WDR19: variants seen among roughly 807,000 people sequenced by gnomAD.
WDR19 encodes WD repeat domain 19, also known as WD repeat-containing protein 19.
Under a neutral mutation model 180.0 loss-of-function variants are expected in WDR19, and 121 were observed. The observed-to-expected ratio is 0.67, with a 90% CI of 0.58 to 0.78. The LOEUF (loss-of-function observed/expected upper bound fraction) is 0.78, where lower values mean the gene tolerates loss of function less well. Among genes scored for constraint, WDR19 ranks in the 30% least tolerant of loss-of-function variants. WDR19 has a pLI of 0.00. For synonymous variants in WDR19, 497 were observed against 540.7 expected (o/e 0.92, Z 1.12); for missense variants, 1,450 against 1,640.7 (o/e 0.88, Z 2.01).
chr4:39,214,224 A>G (rs1330907428), intron 9 of WDR19, among the ~76,000 whole-genome samples: 1 of 152,182 alleles, frequency 6.6e-6, no homozygotes, highest in Non-Finnish European at 1.5e-5. Context: ...AAGGGAACAC[A>G]TTGTAAAGAG....
intron 28 of WDR19, among the ~76,000 whole-genome samples, chr4:39,262,947 A>G (rs1365064028): frequency 2.0e-5 from 3 of 152,004 alleles, no homozygotes; most frequent in Non-Finnish European, 2.9e-5. Context: ...AAAAAAAATC[A>G]CTTTTACTCG....
rs748465735 is a variant in WDR19, at chr4:39,272,987, T to A, written c.3491T>A (p.Val1164Asp). 16 of 1,598,348 alleles carry A rather than the reference T, an allele frequency of 1.0e-5. No individual in the cohort carries two copies. In the East Asian group the frequency reaches 3.6e-4, roughly 36 times the overall value. The change falls in exon 32 of 37, where the codon GTT (valine) becomes GAT (aspartate). Residue 1164 changes from valine (V) to aspartate (D), a missense_variant. Transcript: ENST00000399820. Reference sequence around the variant, plus strand: ...ATATGTCATTTGTTTCAGATTCATGTTAAAAATGGAGATCACATGAAAGGG... The same window carrying A: ...ATATGTCATTTGTTTCAGATTCATGATAAAAATGGAGATCACATGAAAGGG... ...LHSYILVKIH[V>D]KNGDHMKGAR... is the part of the protein sequence containing the mutation.
At chr4:39,224,833 T>A (rs1418227002) in intron 14 of WDR19, 51 bp from the exon 15 acceptor site, 1 of 1,427,932 alleles carries the variant, frequency 7.0e-7, no homozygotes, top group African/African-American at 1.5e-5. Context: ...AAGTTAGGAT[T>A]TCCTTGACTA....
chr4:39,197,822 A>G (rs1726926471), intron 5 of WDR19, among the ~76,000 whole-genome samples: 1 of 152,066 alleles, frequency 6.6e-6, no homozygotes, highest in African/African-American at 2.4e-5. Context: ...AAATTATTAT[A>G]TATCTTTTAG....
intron 36 of WDR19, among the ~76,000 whole-genome samples, chr4:39,279,642 G>T (rs745642): frequency 0.51 from 76,169 of 150,582 alleles, 20,592 homozygotes; most frequent in African/African-American, 0.71. Context: ...CCCACCATCA[G>T]CACACAAGCG....
intron 7 of WDR19, among the ~76,000 whole-genome samples, chr4:39,204,092 G>GA (rs1328342251): frequency 6.9e-6 from 1 of 145,898 alleles, no homozygotes; most frequent in Non-Finnish European, 1.5e-5. Context: ...TTTTTTGTTT[G>GA]TTTTTTTTTT....
intron 24 of WDR19, among the ~76,000 whole-genome samples, chr4:39,252,241 A>T (rs1027477860): frequency 1.3e-5 from 2 of 151,614 alleles, no homozygotes; most frequent in African/African-American, 4.9e-5. Context: ...CATCATTCTC[A>T]GCAAACTATT....
chr4:39,240,250 T>C, intron 20 of WDR19, 27 bp from the exon 21 acceptor site: 1 of 1,217,302 alleles, frequency 8.2e-7, no homozygotes, highest in Non-Finnish European at 1.1e-6. Flanking sequence ...TTAAAATTAT[T>C]AAAATTCACT....
At position 39,185,827 on chromosome 4, in the gene WDR19, C is replaced by A. The variant is rs746441289; in HGVS notation, c.98+10C>A. On this transcript the variant is annotated intron_variant, in intron 2 of 36. Transcript: ENST00000399820. ...ACCTTGCAGTAACAGGGTAAGAAAC[C>A]AATGAATGTTTTAAGCAGTGGTTGC... The A allele has an allele frequency of 6.5e-7, 1 of 1,543,682 alleles. No individual in the cohort carries two copies. The highest frequency in any genetic ancestry group is 1.2e-5 in the South Asian group (1 of 83,472).
At chr4:39,226,818 G>A (rs904110228) in intron 15 of WDR19, among the ~76,000 whole-genome samples, 1 of 152,088 alleles carries the variant, frequency 6.6e-6, no homozygotes, top group African/African-American at 2.4e-5. Flanking sequence ...ATTTTTAAAA[G>A]ATAAAAAACG....
At chr4:39,188,803 T>C (rs140034922) in intron 3 of WDR19, among the ~76,000 whole-genome samples, 2 of 152,200 alleles carry the variant, frequency 1.3e-5, no homozygotes, top group Admixed American at 6.5e-5. Context: ...CAAGCTGGAG[T>C]ACAGTGACAC....
At position 39,182,564 on chromosome 4, in the gene WDR19, G is replaced by A; in HGVS notation, c.6+1G>A. The stretch of plus-strand genomic sequence containing the variant: ...TAGCGGCTCGAGCGTGGAGATGAAG[G>A]TAAATAACTTACAAATTCCCGGGGT... On this transcript the variant is annotated splice_donor_variant, in intron 1 of 36. Coordinates refer to ENST00000399820, the MANE Select transcript of WDR19 (RefSeq NM_025132.4). LOFTEE classifies it high-confidence loss of function. 1 of 1,613,776 alleles carries A rather than the reference G, an allele frequency of 6.2e-7. No individual in the cohort carries two copies. Among genetic ancestry groups the A allele is most frequent in the Non-Finnish European group, 8.5e-7 (1 of 1,179,820 alleles).
chr4:39,275,052 G>T, intron 33 of WDR19, 94 bp downstream of exon 33: 1 of 1,497,066 alleles, frequency 6.7e-7, no homozygotes. Flanking sequence ...TAAGAAAACG[G>T]TGGGGGGCCA....
chr4:39,263,071 C>T (rs1394326471), intron 28 of WDR19, among the ~76,000 whole-genome samples: 1 of 149,460 alleles, frequency 6.7e-6, no homozygotes, highest in Non-Finnish European at 1.5e-5. Flanking sequence ...CACCCACGCC[C>T]ACCCACCCCC....
At chr4:39,271,608 T>C (rs1344003708) in intron 31 of WDR19, among the ~76,000 whole-genome samples, 2 of 152,202 alleles carry the variant, frequency 1.3e-5, no homozygotes, top group Non-Finnish European at 2.9e-5. Flanking sequence ...ATGTCATGTA[T>C]ATTCATGTGT....
chr4:39,268,125 G>A, intron 30 of WDR19, 34 bp downstream of exon 30: 1 of 1,522,736 alleles, frequency 6.6e-7, no homozygotes, highest in Non-Finnish European at 8.9e-7. Context: ...TACTTCCCAA[G>A]CAGGCAGCAG....
At chr4:39,198,902 G>A (rs1435545816) in intron 5 of WDR19, among the ~76,000 whole-genome samples, 3 of 151,846 alleles carry the variant, frequency 2.0e-5, no homozygotes, top group African/African-American at 7.3e-5. Flanking sequence ...GGAGGCTGAG[G>A]CGGAAGAATT....
At chr4:39,281,264 A>AGAGAGAGAG (rs1553920012) in intron 36 of WDR19, among the ~76,000 whole-genome samples, 3 of 99,560 alleles carry the variant, frequency 3.0e-5, no homozygotes, top group South Asian at 2.9e-4. Context: ...GAGAGAGAGA[A>AGAGAGAGAG]AGCCTACTAA....
At chr4:39,233,869 T>C (rs1360250827) in intron 19 of WDR19, among the ~76,000 whole-genome samples, 1 of 152,222 alleles carries the variant, frequency 6.6e-6, no homozygotes, top group African/African-American at 2.4e-5. Context: ...CATGTGCTGC[T>C]AGACTTGGAA....
Sources: gnomAD v4.1 joint callset for allele counts (sites outside exome capture counted in the v4.1 genomes callset) on GRCh38, gnomAD v4.1.1 for gene constraint, MANE v1.5 for transcripts, NCBI Gene and HGNC (gene_info 2026-07-23, HGNC 2026-07-21) for gene names.